PBX1: variants seen among roughly 807,000 people sequenced by gnomAD.
PBX1 encodes PBX homeobox 1.
A neutral mutation model predicts 53.4 loss-of-function variants in PBX1; 6 were observed. That is an observed-to-expected ratio of 0.11 (90% confidence interval 0.06 to 0.22). PBX1 has a LOEUF of 0.22. Ranked by LOEUF, PBX1 falls within the 10% of genes least tolerant of loss-of-function variation. PBX1 has a pLI of 1.00. For synonymous variants in PBX1, 204 were observed against 212.3 expected, an observed-to-expected ratio of 0.96 and a Z score of 0.34; for missense variants, 251 against 551.4, an observed-to-expected ratio of 0.46 and a Z score of 5.46.
intron 2 of PBX1, among the ~76,000 whole-genome samples, chr1:164,752,664 T>A (rs1666298880): frequency 6.6e-6 from 1 of 152,156 alleles, no homozygotes; most frequent in Non-Finnish European, 1.5e-5. Flanking sequence ...TCCAAGGTAT[T>A]TGCCAATAAA....
Position 164,638,913 on chromosome 1 carries a change from A to G in PBX1, c.265+75602A>G, listed in dbSNP as rs535138564. Among the ~76,000 whole-genome samples, 10 of 152,298 alleles carry G rather than the reference A, an allele frequency of 6.6e-5. No individual in the cohort carries two copies. In the South Asian group the frequency reaches 1.7e-3, roughly 25 times the overall value. Reference sequence around the variant, plus strand: ...AAGGAAGATATTATTTGGCAGCAAGAAAAAGGGAGTGTGCAGACTCCCCCT... The same window carrying G: ...AAGGAAGATATTATTTGGCAGCAAGGAAAAGGGAGTGTGCAGACTCCCCCT... On this transcript the variant is annotated intron_variant, in intron 2 of 8. Coordinates refer to ENST00000420696, the MANE Select transcript of PBX1 (RefSeq NM_002585.4).
chr1:164,865,064 A>G (rs1672184550), intron 2 of PBX1, among the ~76,000 whole-genome samples: 1 of 152,212 alleles, frequency 6.6e-6, no homozygotes, highest in African/African-American at 2.4e-5. Flanking sequence ...TATTGGCACC[A>G]CCAATTTGTC....
At position 164,559,354 on chromosome 1, in the gene PBX1, G is replaced by T. The variant is rs1437892122; in HGVS notation, c.-469G>T. ...GGGGGTGGGGGGCAGCGGGGGGTGGGGGGGGAAAGTTTGCATTGCAATCCC... is the reference window on the plus strand; with the variant it reads ...GGGGGTGGGGGGCAGCGGGGGGTGGTGGGGGAAAGTTTGCATTGCAATCCC... On this transcript the variant is annotated 5_prime_UTR_variant, in exon 1 of 9. Transcript: ENST00000420696. 1 of 198,768 alleles carries T rather than the reference G, an allele frequency of 5.0e-6. No individual in the cohort carries two copies. The highest frequency in any genetic ancestry group is 2.0e-4 in the South Asian group (1 of 5,094). The allele number at this position is 198,768 out of a possible 1,614,324, so 12.3% of individuals were successfully genotyped here.
At chr1:164,596,224 G>C (rs1655746136) in intron 2 of PBX1, among the ~76,000 whole-genome samples, 1 of 152,042 alleles carries the variant, frequency 6.6e-6, no homozygotes, top group African/African-American at 2.4e-5. Context: ...AAGTGCATTA[G>C]GGTCTCACAT....
At chr1:164,807,813 A>G in intron 5 of PBX1, 136 bp downstream of exon 5, 1 of 1,011,274 alleles carries the variant, frequency 9.9e-7, no homozygotes, top group Non-Finnish European at 1.4e-6. Context: ...ATATCAAGGT[A>G]AGCACTTGAT....
intron 8 of PBX1, among the ~76,000 whole-genome samples, chr1:164,824,738 C>T (rs1040671545): frequency 6.6e-6 from 1 of 152,084 alleles, no homozygotes; most frequent in African/African-American, 2.4e-5. Flanking sequence ...TGACAATGGG[C>T]AATACTTACT....
rs141869580 is a variant in PBX1 at position 164,827,197 on chromosome 1, A to G, written c.1200+5571A>G. ...AGACCTCCTTCCACTTAAAGTATAT[A>G]TTAGTAAGATGTTGCCACATGTGGA... On this transcript the variant is annotated intron_variant, in intron 8 of 8. Transcript: ENST00000420696. 7.5e-3 allele frequency among the ~76,000 whole-genome samples: 1,141 copies of G among 152,338 alleles called. 13 individuals are homozygous for G. The highest frequency in any genetic ancestry group is 0.025 in the African/African-American group (1,059 of 41,566).
intron 2 of PBX1, among the ~76,000 whole-genome samples, chr1:164,736,703 G>A (rs1290017011): frequency 1.3e-5 from 2 of 152,128 alleles, no homozygotes; most frequent in African/African-American, 4.8e-5. Context: ...GACAGATGGA[G>A]GAGAGAGATG....
chr1:164,866,104 C>A (rs1434801934), intron 2 of PBX1, among the ~76,000 whole-genome samples: 1 of 152,136 alleles, frequency 6.6e-6, no homozygotes, highest in East Asian at 1.9e-4. Context: ...GATCATGGCG[C>A]TTAAAAACTT....
At chr1:164,845,867 CT>C (rs1269908802) in intron 8 of PBX1, among the ~76,000 whole-genome samples, 1 of 152,112 alleles carries the variant, frequency 6.6e-6, no homozygotes, top group African/African-American at 2.4e-5. Flanking sequence ...AGCCTCTGTA[CT>C]TTTCAAAACT....
intron 2 of PBX1, among the ~76,000 whole-genome samples, chr1:164,590,652 T>A (rs1167840916): frequency 2.0e-5 from 3 of 152,186 alleles, no homozygotes; most frequent in African/African-American, 7.2e-5. Context: ...TGCTTTTACC[T>A]AGCCCTTGGA....
chr1:164,867,642 A>T (rs991098841), intron 2 of PBX1, among the ~76,000 whole-genome samples: 2 of 152,228 alleles, frequency 1.3e-5, no homozygotes, highest in Non-Finnish European at 2.9e-5. Flanking sequence ...AAACATTTGC[A>T]GAAAGAATTA....
chr1:164,592,740 A>G (rs569088609), intron 2 of PBX1, among the ~76,000 whole-genome samples: 1 of 152,230 alleles, frequency 6.6e-6, no homozygotes, highest in Non-Finnish European at 1.5e-5. Flanking sequence ...CAGGCTTTGA[A>G]TTCTGTATCC....
intron 2 of PBX1, among the ~76,000 whole-genome samples, chr1:164,649,028 C>T (rs536948186): frequency 7.4e-4 from 112 of 152,232 alleles, no homozygotes; most frequent in African/African-American, 2.5e-3. Flanking sequence ...AGATGACACA[C>T]CTCTGTGGGG....
intron 2 of PBX1, among the ~76,000 whole-genome samples, chr1:164,668,561 G>C (rs553695309): frequency 2.0e-5 from 3 of 152,074 alleles, no homozygotes; most frequent in Non-Finnish European, 4.4e-5. Context: ...GGGAGCCTCC[G>C]AGCCCTGCCA....
chr1:164,835,292 T>C (rs536912613), intron 8 of PBX1, among the ~76,000 whole-genome samples: 23 of 151,882 alleles, frequency 1.5e-4, no homozygotes, highest in Non-Finnish European at 2.8e-4. Flanking sequence ...AGCTTTATAG[T>C]ACAGAACATT....
At chr1:164,729,848 TATA>T (rs35603458) in intron 2 of PBX1, among the ~76,000 whole-genome samples, 24,446 of 150,224 alleles carry the variant, frequency 0.16, 2,540 homozygotes, top group South Asian at 0.3. Context: ...CAATAATTAA[TATA>T]ATAAGTAAAT....
chr1:164,620,285 G>A (rs1207855864), intron 2 of PBX1, among the ~76,000 whole-genome samples: 1 of 152,106 alleles, frequency 6.6e-6, no homozygotes, highest in African/African-American at 2.4e-5. Flanking sequence ...ATCCAAAATA[G>A]CACATCTGTT....
chr1:164,642,488 T>C (rs146983152), intron 2 of PBX1, among the ~76,000 whole-genome samples: 95 of 152,280 alleles, frequency 6.2e-4, no homozygotes, highest in East Asian at 2.3e-3. Flanking sequence ...ACCATATCCT[T>C]CAGGAGTCAT....
Sources: gnomAD v4.1 joint callset for allele counts (sites outside exome capture counted in the v4.1 genomes callset) on GRCh38, gnomAD v4.1.1 for gene constraint, MANE v1.5 for transcripts, NCBI Gene and HGNC (gene_info 2026-07-23, HGNC 2026-07-21) for gene names.